The following SEPTIN12 variants were observed in gnomAD, a reference collection of about 807,000 sequenced individuals.
The protein encoded by SEPTIN12 is septin 12.
A neutral mutation model predicts 37.7 loss-of-function variants in SEPTIN12; 42 were observed. That is an observed-to-expected ratio of 1.11 (90% CI 0.87 to 1.44). SEPTIN12 has a LOEUF of 1.44. Ranked by LOEUF, SEPTIN12 falls within the 40% of genes most tolerant of loss-of-function variation. The probability of loss-of-function intolerance (pLI) is 0.00; values close to 1 mark genes in which losing one functional copy is unlikely to be tolerated. For synonymous variants in SEPTIN12, 254 were observed against 196.7 expected, an observed-to-expected ratio of 1.29 and a Z score of -2.44; for missense variants, 613 against 479.2, an observed-to-expected ratio of 1.28 and a Z score of -2.61.
chr16:4,783,806 TGA>T, intron 5 of SEPTIN12, 40 bp from the exon 6 acceptor site: 1 of 1,605,138 alleles, frequency 6.2e-7, no homozygotes, highest in African/African-American at 1.3e-5. Context: ...GCGGTGGTGG[TGA>T]GTGTATAAAC....
At chr16:4,783,062 C>T (rs776271289) in intron 7 of SEPTIN12, among the ~76,000 whole-genome samples, 6 of 151,860 alleles carry the variant, frequency 4.0e-5, no homozygotes, top group Non-Finnish European at 5.9e-5. Flanking sequence ...CGTGCACCAC[C>T]ACACCCAGCC....
upstream of SEPTIN12, among the ~76,000 whole-genome samples, chr16:4,791,332 G>T (rs566996015): frequency 6.6e-6 from 1 of 152,204 alleles, no homozygotes. Context: ...GACTATGGTG[G>T]AAGAGGACAA....
chr16:4,790,351 C>G (rs751630839), upstream of SEPTIN12, among the ~76,000 whole-genome samples: 1 of 152,156 alleles, frequency 6.6e-6, no homozygotes, highest in Non-Finnish European at 1.5e-5. Context: ...TAAGTAAAAC[C>G]GTATTCACAG....
upstream of SEPTIN12, among the ~76,000 whole-genome samples, chr16:4,790,372 G>C (rs191488819): frequency 3.6e-3 from 552 of 152,306 alleles, 1 homozygote; most frequent in African/African-American, 4.3e-3. Flanking sequence ...AAGAAAGGTG[G>C]CCGTGGTTCC....
At chr16:4,789,957 C>T (rs1280075703), upstream of SEPTIN12, 4 of 150,494 alleles carry the variant, frequency 2.7e-5, no homozygotes. Context: ...CTTTGTCACC[C>T]AAGTTGGAGT....
chr16:4,788,214 C>G (rs1390289751), intron 1 of SEPTIN12, 66 bp downstream of exon 1: 1 of 155,704 alleles, frequency 6.4e-6, no homozygotes, highest in East Asian at 1.9e-4. Flanking sequence ...GGGAAGATGG[C>G]TGGGAGGGAG....
Position 4,777,885 on chromosome 16 carries a change from A to G in SEPTIN12, c.989T>C (p.Leu330Pro). ...LLPRGPGWVN[L>P]APASPGQLTT... ...CAGCTGTCCTGGGGAGGCCGGGGCCAGGTTCACCCAGCCGGGCCCGCGGGG... is the reference window on the plus strand; with the variant it reads ...CAGCTGTCCTGGGGAGGCCGGGGCCGGGTTCACCCAGCCGGGCCCGCGGGG... The change falls in exon 10 of 10, where the codon CTG becomes CCG. Residue 330 changes from leucine (L) to proline (P), a missense_variant. By Grantham distance (98) the Leu-to-Pro change is moderately conservative. Transcript: ENST00000268231. The G allele has an allele frequency of 6.3e-7, 1 of 1,598,596 alleles. No individual in the cohort carries two copies.
In SEPTIN12 at chr16:4,777,734, T is replaced by C. The variant is rs1237400170; in HGVS notation, c.*63A>G. 4 of 1,124,082 alleles carry C rather than the reference T, an allele frequency of 3.6e-6. No homozygotes were observed. The highest frequency in any genetic ancestry group is 5.2e-5 in the East Asian group (2 of 38,712). 69.6% of individuals were successfully genotyped at this position (1,124,082 alleles called of 1,614,324 possible). A position where few individuals can be genotyped will look rare whatever the true frequency, so the allele number is the denominator to read the frequency against. On this transcript the variant is annotated 3_prime_UTR_variant, in exon 10 of 10. Coordinates refer to ENST00000268231, the MANE Select transcript of SEPTIN12 (RefSeq NM_144605.5). ...CACATTTAATAGATGCTCTGGTACA[T>C]AGGTGTGTGTTGAGAGCCGCTGGGG...
chr16:4,786,076 C>T lies in SEPTIN12; in HGVS notation c.196G>A (p.Val66Met). 6.2e-7 allele frequency: 1 copy of T among 1,612,900 alleles called. No homozygotes were observed. Among genetic ancestry groups the T allele is most frequent in the Non-Finnish European group, 8.5e-7 (1 of 1,179,192 alleles). Residue 66 changes from valine to methionine, a missense_variant, in exon 3 of 10, where the codon GTG becomes ATG. Val to Met is a conservative substitution (Grantham distance 21, BLOSUM62 1). Coordinates refer to ENST00000268231, the MANE Select transcript of SEPTIN12 (RefSeq NM_144605.5). ...ACTTTGGACTTGAACAGCGTGTTCA[C>T]CATCGTGGACTTGCCCAGCCCGCTT... ...GQSGLGKSTM[V>M]NTLFKSKVWK...
intron 4 of SEPTIN12, chr16:4,785,601 C>G: frequency 1.8e-6 from 1 of 541,532 alleles, no homozygotes; most frequent in Non-Finnish European, 3.3e-6. Flanking sequence ...TGGTGAAACC[C>G]CATCTCAACT....
intron 4 of SEPTIN12, among the ~76,000 whole-genome samples, chr16:4,785,491 G>T (rs1233761954): frequency 6.6e-6 from 1 of 151,896 alleles, no homozygotes; most frequent in East Asian, 1.9e-4. Context: ...CCCACCACTT[G>T]TTGCGGGCAC....
chr16:4,786,088 T>C lies in SEPTIN12; in HGVS notation c.184A>G (p.Lys62Glu). ...AACAGCGTGTTCACCATCGTGGACT[T>C]GCCCAGCCCGCTTTGCCCTGGGAGT... ...IMVVGQSGLG[K>E]STMVNTLFKS... The change falls in exon 3 of 10, where the codon AAG becomes GAG. Residue 62 changes from lysine (K) to glutamate (E), a missense_variant. By Grantham distance (56) the Lys-to-Glu change is moderately conservative. Transcript: ENST00000268231. 6 of 1,610,152 alleles carry C rather than the reference T, an allele frequency of 3.7e-6. No homozygotes were observed. The highest frequency in any genetic ancestry group is 5.1e-6 in the Non-Finnish European group (6 of 1,177,396).
chr16:4,785,072 C>T (rs2082421486), intron 4 of SEPTIN12, among the ~76,000 whole-genome samples: 1 of 151,914 alleles, frequency 6.6e-6, no homozygotes, highest in African/African-American at 2.4e-5. Context: ...CGTGGTGAAA[C>T]CCCGTCTCTA....
At chr16:4,786,353 C>CTT (rs949470758) in intron 2 of SEPTIN12, among the ~76,000 whole-genome samples, 25 of 126,212 alleles carry the variant, frequency 2.0e-4, no homozygotes, top group South Asian at 5.0e-4. Context: ...TTTTGCACTG[C>CTT]TTTTTTTTTT....
At position 4,783,580 on chromosome 16, in the gene SEPTIN12, C is replaced by T. The variant is rs746623755; in HGVS notation, c.631-23G>A. On this transcript the variant is annotated intron_variant, in intron 6 of 9. Transcript: ENST00000268231. ...GATCTGGAGATCCCACACAGGTGAC[C>T]TCAGCCCACCCTGCCCACTCTGCCC... is the stretch of plus-strand genomic sequence containing the variant. 5 of 1,613,028 alleles carry T rather than the reference C, an allele frequency of 3.1e-6. No individual in the cohort carries two copies. In the East Asian group the frequency reaches 8.9e-5, roughly 29 times the overall value.
intron 7 of SEPTIN12, among the ~76,000 whole-genome samples, chr16:4,782,100 G>C (rs1460988665): frequency 2.6e-5 from 4 of 151,448 alleles, no homozygotes; most frequent in African/African-American, 7.3e-5. Flanking sequence ...ACAGGTGCGT[G>C]CCACCACACG....
chr16:4,783,060 A>G (rs958478972), intron 7 of SEPTIN12, among the ~76,000 whole-genome samples: 1 of 150,876 alleles, frequency 6.6e-6, no homozygotes, highest in Non-Finnish European at 1.5e-5. Flanking sequence ...GGCGTGCACC[A>G]CCACACCCAG....
At chr16:4,778,910 C>A (rs1160927052) in intron 8 of SEPTIN12, among the ~76,000 whole-genome samples, 1 of 151,126 alleles carries the variant, frequency 6.6e-6, no homozygotes, top group Non-Finnish European at 1.5e-5. Context: ...GAGGCCGAGG[C>A]GGGCAGATCA....
intron 7 of SEPTIN12, among the ~76,000 whole-genome samples, chr16:4,780,108 T>C (rs1209511054): frequency 6.6e-6 from 1 of 151,896 alleles, no homozygotes; most frequent in East Asian, 1.9e-4. Flanking sequence ...GAGCTTATAA[T>C]CCCATTATAT....
Sources: gnomAD v4.1 joint callset for allele counts (sites outside exome capture counted in the v4.1 genomes callset) on GRCh38, gnomAD v4.1.1 for gene constraint, MANE v1.5 for transcripts, NCBI Gene and HGNC (gene_info 2026-07-23, HGNC 2026-07-21) for gene names.